TARP: variants seen among roughly 807,000 people sequenced by gnomAD.
chr7:38,266,542 T>A, the TARP span, among the ~76,000 whole-genome samples: 1 of 151,964 alleles, frequency 6.6e-6, no homozygotes. Context: ...GCTCAAGTGA[T>A]CTGCCTGCCT....
At chr7:38,269,078 A>G in the TARP span, among the ~76,000 whole-genome samples, 2 of 152,022 alleles carry the variant, frequency 1.3e-5, no homozygotes, top group East Asian at 3.9e-4. Context: ...GTGGAGCCAG[A>G]GTTCCAGGTG....
chr7:38,263,859 T>C, the TARP span, among the ~76,000 whole-genome samples: 5 of 151,892 alleles, frequency 3.3e-5, no homozygotes, highest in Non-Finnish European at 7.4e-5. Context: ...TTTGGGTAAG[T>C]CTCAAGAATG....
chr7:38,266,205 C>T, the TARP span, among the ~76,000 whole-genome samples: 1 of 151,820 alleles, frequency 6.6e-6, no homozygotes, highest in Admixed American at 6.6e-5. Context: ...GACACATTCT[C>T]ATGTTCTGCA....
At chr7:38,267,087 G>A in the TARP span, among the ~76,000 whole-genome samples, 28 of 151,726 alleles carry the variant, frequency 1.8e-4, no homozygotes, top group Middle Eastern at 3.4e-3. Flanking sequence ...GAGAAGGTCT[G>A]TGTAAATCAG....
chr7:38,262,927 G>T, the TARP span, among the ~76,000 whole-genome samples: 1 of 151,500 alleles, frequency 6.6e-6, no homozygotes, highest in Non-Finnish European at 1.5e-5. Flanking sequence ...ACAAAATGCT[G>T]GGATTACAGG....
chr7:38,263,044 A>G, the TARP span, among the ~76,000 whole-genome samples: 1 of 151,640 alleles, frequency 6.6e-6, no homozygotes, highest in African/African-American at 2.4e-5. Flanking sequence ...TCTAAGCAAA[A>G]AAAGCAGTCA....
the TARP span, among the ~76,000 whole-genome samples, chr7:38,272,013 A>G: frequency 4.0e-5 from 6 of 151,450 alleles, no homozygotes; most frequent in African/African-American, 1.5e-4. Flanking sequence ...TTTCTTAAAC[A>G]TAAATTTTCT....
the TARP span, among the ~76,000 whole-genome samples, chr7:38,268,231 G>C: frequency 6.6e-6 from 1 of 150,568 alleles, no homozygotes; most frequent in African/African-American, 2.4e-5. Context: ...TTATTTTATT[G>C]TTGGATTCAT....
the TARP span, among the ~76,000 whole-genome samples, chr7:38,268,715 C>T: frequency 5.8e-4 from 88 of 151,744 alleles, 1 homozygote; most frequent in South Asian, 6.3e-3. Flanking sequence ...GATTAAAAAG[C>T]CTGCTAACAA....
chr7:38,265,482 G>C, the TARP span: 2 of 1,611,076 alleles, frequency 1.2e-6, no homozygotes, highest in Non-Finnish European at 1.7e-6. Flanking sequence ...TGTATGTGTC[G>C]TTAGTCTTCA....
chr7:38,264,749 G>A, the TARP span, among the ~76,000 whole-genome samples: 1 of 151,586 alleles, frequency 6.6e-6, no homozygotes, highest in African/African-American at 2.4e-5. Flanking sequence ...AAGCACAGTG[G>A]TAAGACTACC....
At chr7:38,271,198 C>T in the TARP span, among the ~76,000 whole-genome samples, 2 of 151,256 alleles carry the variant, frequency 1.3e-5, no homozygotes, top group African/African-American at 4.9e-5. Flanking sequence ...AGAGTTTGTG[C>T]ATTTAGCATG....
At chr7:38,265,521 C>A in the TARP span, 10 of 1,612,008 alleles carry the variant, frequency 6.2e-6, no homozygotes, top group Non-Finnish European at 8.5e-6. Context: ...ATCCCAGAAT[C>A]GTGTTGCTCT....
chr7:38,270,089 AAG>A, the TARP span, among the ~76,000 whole-genome samples: 1 of 152,066 alleles, frequency 6.6e-6, no homozygotes, highest in Non-Finnish European at 1.5e-5. Flanking sequence ...GCAACAGGGG[AAG>A]ACCCTGCCTC....
At chr7:38,261,132 A>G in the TARP span, among the ~76,000 whole-genome samples, 12 of 151,860 alleles carry the variant, frequency 7.9e-5, no homozygotes, top group African/African-American at 1.9e-4. Context: ...ACACCTAATC[A>G]TTAAAAGAGC....
At chr7:38,269,201 T>C in the TARP span, among the ~76,000 whole-genome samples, 7 of 151,808 alleles carry the variant, frequency 4.6e-5, no homozygotes, top group African/African-American at 1.7e-4. Context: ...CCTGTCATAA[T>C]ACATTTGGTC....
the TARP span, among the ~76,000 whole-genome samples, chr7:38,266,606 G>T: frequency 1.3e-5 from 2 of 151,644 alleles, no homozygotes; most frequent in East Asian, 3.9e-4. Flanking sequence ...TAGCCATTTT[G>T]TTCACTTTTA....
At chr7:38,262,540 G>C in the TARP span, among the ~76,000 whole-genome samples, 1 of 151,612 alleles carries the variant, frequency 6.6e-6, no homozygotes, top group Non-Finnish European at 1.5e-5. Context: ...GTATGTTTTT[G>C]ATAAATACTT....
At chr7:38,262,774 C>A in the TARP span, among the ~76,000 whole-genome samples, 2 of 151,296 alleles carry the variant, frequency 1.3e-5, no homozygotes, top group African/African-American at 2.4e-5. Context: ...CCCATCTCAG[C>A]CTTCTGAGTA....
Sources: gnomAD v4.1 joint callset for allele counts (sites outside exome capture counted in the v4.1 genomes callset) on GRCh38, gnomAD v4.1.1 for gene constraint, MANE v1.5 for transcripts.